Variants in HS3ST4 observed in about 807,000 individuals in gnomAD.
HS3ST4 encodes heparan sulfate-glucosamine 3-sulfotransferase 4.
HS3ST4 carries 17 observed loss-of-function variants against 29.2 expected under a neutral mutation model. That is an observed-to-expected ratio of 0.58 (90% CI 0.40 to 0.87). The LOEUF is 0.87. Among genes scored for constraint, HS3ST4 ranks in the 40% least tolerant of loss-of-function variants. The pLI, the probability that HS3ST4 is intolerant of heterozygous loss-of-function variation, is 0.00. For synonymous variants in HS3ST4, 314 were observed against 285.7 expected, an observed-to-expected ratio of 1.10 and a Z score of -1.00; for missense variants, 627 against 634.5, an observed-to-expected ratio of 0.99 and a Z score of 0.13.
intron 1 of HS3ST4, among the ~76,000 whole-genome samples, chr16:25,840,921 C>T (rs1363942762): frequency 3.3e-5 from 5 of 152,008 alleles, no homozygotes; most frequent in Non-Finnish European, 7.4e-5. Context: ...AGAAGACTCT[C>T]ATAGTTGGCC....
chr16:25,776,716 C>T (rs924754353), intron 1 of HS3ST4, among the ~76,000 whole-genome samples: 1 of 152,218 alleles, frequency 6.6e-6, no homozygotes, highest in Admixed American at 6.5e-5. Flanking sequence ...TACACACACT[C>T]AACACATTCC....
Position 25,976,316 on chromosome 16 carries a change from C to CT in HS3ST4, c.735-159289dup, listed in dbSNP as rs560408216. Among the ~76,000 whole-genome samples the CT allele has an allele frequency of 5.7e-3, 859 of 152,006 alleles. 7 individuals carry two copies. Among genetic ancestry groups the CT allele is most frequent in the African/African-American group, 0.02 (825 of 41,468 alleles). ...CCAGGGATGTCAGTTTATTTCTTTT[C>CT]TTTTTTTGAGACAGGGTCTCACTCT... On this transcript the variant is annotated intron_variant, in intron 1 of 1. Transcript: ENST00000331351.
At chr16:25,836,922 C>T (rs1967362307) in intron 1 of HS3ST4, among the ~76,000 whole-genome samples, 2 of 152,192 alleles carry the variant, frequency 1.3e-5, no homozygotes, top group South Asian at 2.1e-4. Context: ...ACAACTGGTT[C>T]ATCAGTAACA....
At chr16:25,714,671 G>C (rs939294140) in intron 1 of HS3ST4, among the ~76,000 whole-genome samples, 10 of 152,128 alleles carry the variant, frequency 6.6e-5, no homozygotes, top group African/African-American at 2.4e-4. Flanking sequence ...TTACTTATTT[G>C]CCTGTTTTGT....
intron 1 of HS3ST4, among the ~76,000 whole-genome samples, chr16:26,077,013 C>G (rs981066709): frequency 6.6e-6 from 1 of 152,204 alleles, no homozygotes; most frequent in Non-Finnish European, 1.5e-5. Flanking sequence ...CAGAACAATA[C>G]TGGTATATTA....
chr16:25,713,178 G>A (rs928879328), intron 1 of HS3ST4, among the ~76,000 whole-genome samples: 2 of 151,888 alleles, frequency 1.3e-5, no homozygotes, highest in African/African-American at 4.8e-5. Flanking sequence ...TTTAAGCCCC[G>A]GATACCTTAG....
intron 1 of HS3ST4, among the ~76,000 whole-genome samples, chr16:25,899,779 T>G (rs1968104897): frequency 6.7e-6 from 1 of 150,188 alleles, no homozygotes; most frequent in Non-Finnish European, 1.5e-5. Context: ...AAGGAAAACA[T>G]GGCAAAAACC....
intron 1 of HS3ST4, among the ~76,000 whole-genome samples, chr16:26,066,107 A>G (rs1224410734): frequency 6.6e-6 from 1 of 152,210 alleles, no homozygotes; most frequent in Non-Finnish European, 1.5e-5. Flanking sequence ...GGTCTTCACT[A>G]TGAATCCTAA....
At chr16:25,766,954 G>T (rs1377080021) in intron 1 of HS3ST4, among the ~76,000 whole-genome samples, 1 of 152,082 alleles carries the variant, frequency 6.6e-6, no homozygotes, top group East Asian at 1.9e-4. Context: ...TCCAAATCCT[G>T]CATTCTTTTG....
At chr16:25,808,979 T>A (rs1311339208) in intron 1 of HS3ST4, among the ~76,000 whole-genome samples, 1 of 152,170 alleles carries the variant, frequency 6.6e-6, no homozygotes, top group East Asian at 1.9e-4. Context: ...GTGGACACAC[T>A]TACTAGTTTT....
chr16:26,032,427 A>T (rs202008053), intron 1 of HS3ST4: 44 of 187,520 alleles, frequency 2.3e-4, no homozygotes, highest in Non-Finnish European at 3.2e-4. Context: ...ACATAGCTTT[A>T]AAAAAAAAAA....
rs1366081077 is a variant in HS3ST4 at position 26,137,570 on chromosome 16, T to G, written c.*1322T>G. Reference sequence around the variant, plus strand: ...AGATCTCCAAAACCAGGAATTGTTCTAGTAAAACTGGAAATTTGTATGAGT... The same window carrying G: ...AGATCTCCAAAACCAGGAATTGTTCGAGTAAAACTGGAAATTTGTATGAGT... On this transcript the variant is annotated 3_prime_UTR_variant, in exon 2 of 2. Transcript: ENST00000331351. 4 of 152,230 alleles carry G rather than the reference T, an allele frequency of 2.6e-5. No individual in the cohort carries two copies. The highest frequency in any genetic ancestry group is 6.5e-5 in the Admixed American group (1 of 15,284). 9.4% of individuals were successfully genotyped at this position (152,230 alleles called of 1,614,324 possible). A position where few individuals can be genotyped will look rare whatever the true frequency, so the allele number is the denominator to read the frequency against.
chr16:25,884,193 G>A (rs893117219), intron 1 of HS3ST4, among the ~76,000 whole-genome samples: 3 of 152,146 alleles, frequency 2.0e-5, no homozygotes, highest in African/African-American at 7.2e-5. Flanking sequence ...GGTGCATAGA[G>A]AAGGTTCAGT....
intron 1 of HS3ST4, among the ~76,000 whole-genome samples, chr16:25,828,242 C>CTTTCTTTTTCTGTCTT (rs1371928058): frequency 6.7e-5 from 5 of 75,016 alleles, no homozygotes; most frequent in African/African-American, 2.3e-4. Context: ...TTCTTTCTTT[C>CTTTCTTTTTCTGTCTT]TCTTTCTTTC....
intron 1 of HS3ST4, chr16:26,062,610 G>GTT (rs113098168): frequency 3.7e-4 from 53 of 143,804 alleles, no homozygotes; most frequent in African/African-American, 1.1e-3. Context: ...TATTGGTATA[G>GTT]TTTTTTTTTT....
chr16:25,914,237 G>A (rs951019303), intron 1 of HS3ST4, among the ~76,000 whole-genome samples: 2 of 149,532 alleles, frequency 1.3e-5, no homozygotes, highest in South Asian at 2.1e-4. Flanking sequence ...GGGTATGTAA[G>A]TGATGTGGTA....
At chr16:26,106,910 C>A (rs1899064590) in intron 1 of HS3ST4, among the ~76,000 whole-genome samples, 1 of 152,162 alleles carries the variant, frequency 6.6e-6, no homozygotes. Context: ...GCCAAAACAG[C>A]AACAACTGAT....
At chr16:25,870,523 C>T (rs1038328247) in intron 1 of HS3ST4, among the ~76,000 whole-genome samples, 3 of 151,866 alleles carry the variant, frequency 2.0e-5, no homozygotes, top group Non-Finnish European at 4.4e-5. Context: ...ATGGGAAGTC[C>T]CTGAGATGGA....
intron 1 of HS3ST4, among the ~76,000 whole-genome samples, chr16:25,983,934 T>G (rs554208127): frequency 3.4e-4 from 51 of 152,198 alleles, no homozygotes; most frequent in African/African-American, 1.2e-3. Context: ...TTCAGTTTAT[T>G]TTTATTTTTA....
Sources: allele counts gnomAD v4.1 joint callset (sites outside exome capture counted in the v4.1 genomes callset), GRCh38; gene constraint gnomAD v4.1.1; transcripts MANE v1.5; gene names NCBI Gene and HGNC (gene_info 2026-07-23, HGNC 2026-07-21).